Variants in ACAT2 observed in about 807,000 individuals in gnomAD.
ACAT2 encodes acetyl-CoA acetyltransferase, cytosolic.
ACAT2 carries 26 observed loss-of-function variants against 37.1 expected under a neutral mutation model. The observed-to-expected ratio is 0.70, with a 90% CI of 0.51 to 0.97. The LOEUF is 0.97. ACAT2 is among the 50% of genes least tolerant of loss of function. ACAT2 has a pLI of 0.00. For missense variants in ACAT2, 468 were observed against 489.0 expected (o/e 0.96, Z 0.40); for synonymous variants, 156 against 163.6 (o/e 0.95, Z 0.35).
intron 2 of ACAT2, among the ~76,000 whole-genome samples, chr6:159,766,384 C>T (rs1780255217): frequency 6.7e-6 from 1 of 148,830 alleles, no homozygotes; most frequent in Non-Finnish European, 1.5e-5. Context: ...TTTGATAATG[C>T]TTATTTAAGC....
chr6:159,762,579 CCTT>C lies in ACAT2; in HGVS notation c.56-338_56-336del. The C allele has an allele frequency of 1.5e-5, 20 of 1,360,090 alleles. No homozygotes were observed. In the South Asian group the frequency reaches 2.6e-4, roughly 17 times the overall value. The allele number at this position is 1,360,090 out of a possible 1,614,324, so 84.3% of individuals were successfully genotyped here. A position where few individuals can be genotyped will look rare whatever the true frequency, so the allele number is the denominator to read the frequency against. On this transcript the variant is annotated intron_variant, in intron 1 of 8. Coordinates refer to ENST00000367048, the MANE Select transcript of ACAT2 (RefSeq NM_005891.3). ...ATGGCTAGAAGTCGTGACTTCGTCT[CCTT>C]CGTGCCGCATGGTTTTCAACGCCCT...
chr6:159,767,687 A>T (rs561993150), intron 3 of ACAT2, among the ~76,000 whole-genome samples: 1 of 152,318 alleles, frequency 6.6e-6, no homozygotes, highest in South Asian at 2.1e-4. Flanking sequence ...CATACCTCAA[A>T]CTGGCATAGT....
intron 2 of ACAT2, among the ~76,000 whole-genome samples, chr6:159,763,629 C>CTTTTTTTTTTTTT (rs765044833): frequency 5.2e-5 from 4 of 76,406 alleles, no homozygotes; most frequent in Non-Finnish European, 9.4e-5. Context: ...TTTTCTTTTC[C>CTTTTTTTTTTTTT]TTTTTTTTTT....
intron 5 of ACAT2, chr6:159,775,608 C>T (rs1780400597): frequency 6.7e-6 from 2 of 296,308 alleles, no homozygotes; most frequent in Admixed American, 4.9e-5. Context: ...TTAGGAGGCA[C>T]CAGCTGACCT....
chr6:159,778,067 A>T, intron 7 of ACAT2, 103 bp from the exon 8 acceptor site: 2 of 726,398 alleles, frequency 2.8e-6, no homozygotes, highest in Non-Finnish European at 2.2e-6. Flanking sequence ...CCAAAGTAGC[A>T]GTTACCAGTA....
intron 2 of ACAT2, among the ~76,000 whole-genome samples, chr6:159,766,406 CTTT>C (rs1246453909): frequency 6.9e-6 from 1 of 145,642 alleles, no homozygotes; most frequent in Non-Finnish European, 1.5e-5. Context: ...CCCCCCCGCA[CTTT>C]TTTTTTTTTG....
Position 159,775,226 on chromosome 6 carries a change from G to C in ACAT2, c.547G>C (p.Val183Leu), listed in dbSNP as rs759956506. ...VSREDQDKVA[V>L]LSQNRTENAQ... ...TAGAGAAGATCAGGACAAGGTTGCAGTTCTGTCCCAGAACAGGACAGAGAA... is the reference window on the plus strand; with the variant it reads ...TAGAGAAGATCAGGACAAGGTTGCACTTCTGTCCCAGAACAGGACAGAGAA... The change falls in exon 5 of 9, where the codon GTT becomes CTT. Residue 183 changes from valine to leucine, a missense_variant. Transcript: ENST00000367048. 6.8e-6 allele frequency: 11 copies of C among 1,614,074 alleles called. No individual in the cohort carries two copies. The highest frequency in any genetic ancestry group is 1.3e-5 in the African/African-American group (1 of 74,934).
chr6:159,776,042 T>C (rs1331171717), intron 5 of ACAT2, 108 bp from the exon 6 acceptor site: 7 of 1,315,536 alleles, frequency 5.3e-6, no homozygotes, highest in Non-Finnish European at 7.3e-6. Flanking sequence ...ATTAAAACTT[T>C]TCTGCTAAAT....
intron 2 of ACAT2, among the ~76,000 whole-genome samples, chr6:159,766,270 C>G (rs191210039): frequency 2.0e-5 from 3 of 152,100 alleles, no homozygotes; most frequent in Admixed American, 6.5e-5. Context: ...TTTAAGTAAC[C>G]CTTTTTCTTC....
chr6:159,773,272 A>G (rs760111602), intron 4 of ACAT2, among the ~76,000 whole-genome samples: 5 of 152,120 alleles, frequency 3.3e-5, no homozygotes, highest in Non-Finnish European at 7.4e-5. Context: ...TGTTACCATG[A>G]GTGTGTGTGT....
chr6:159,775,406 CTTAGT>C lies in ACAT2; in HGVS notation c.634+95_634+99del, dbSNP rs1340478761. 1.0e-5 allele frequency: 15 copies of C among 1,432,960 alleles called. No homozygotes were observed. The African/African-American group carries it at 1.9e-4, about 18-fold the overall frequency. The allele number at this position is 1,432,960 out of a possible 1,614,324, so 88.8% of individuals were successfully genotyped here. ...ACATAGGAATCTTTAGAAATTATAT[CTTAGT>C]TATGTTTTTCAGGTTGCAAATATAT... On this transcript the variant is annotated intron_variant, in intron 5 of 8. Transcript: ENST00000367048.
At chr6:159,770,868 C>G (rs1316043114) in intron 4 of ACAT2, among the ~76,000 whole-genome samples, 1 of 151,954 alleles carries the variant, frequency 6.6e-6, no homozygotes, top group Non-Finnish European at 1.5e-5. Context: ...AGTTCAAGAC[C>G]AGCCTGGCCA....
intron 2 of ACAT2, among the ~76,000 whole-genome samples, chr6:159,766,645 C>A (rs903734826): frequency 2.0e-5 from 3 of 152,216 alleles, no homozygotes; most frequent in Non-Finnish European, 2.9e-5. Context: ...AGGTGATCTG[C>A]CCTCCTTGGC....
chr6:159,762,235 G>A (rs1780154152), intron 1 of ACAT2, 93 bp downstream of exon 1: 1 of 1,444,924 alleles, frequency 6.9e-7, no homozygotes, highest in Admixed American at 2.5e-5. Flanking sequence ...AGGGGCGTAT[G>A]TGGAGGAAGC....
chr6:159,771,265 A>G, intron 4 of ACAT2, among the ~76,000 whole-genome samples: 1 of 152,110 alleles, frequency 6.6e-6, no homozygotes, highest in East Asian at 1.9e-4. Flanking sequence ...CTGTAATCCC[A>G]GCTACTCGGG....
intron 8 of ACAT2, 24 bp from the exon 9 acceptor site, chr6:159,778,635 T>A (rs745702552): frequency 1.3e-5 from 21 of 1,610,426 alleles, no homozygotes; most frequent in South Asian, 1.1e-4. Context: ...GAATAAACAA[T>A]CTAAATCTTT....
In ACAT2 at chr6:159,763,047, G is replaced by A. The variant is rs1780180235; in HGVS notation, c.184G>A (p.Ala62Thr). The change falls in exon 2 of 9, where the codon GCA (alanine) becomes ACA (threonine). Residue 62 changes from alanine to threonine, a missense_variant. Coordinates refer to ENST00000367048, the MANE Select transcript of ACAT2 (RefSeq NM_005891.3). ...TGAGGTCATCTTTGGACATGTCTTGGCAGCAGGTAAGTCTCAGTGATTCCA... is the reference window on the plus strand; with the variant it reads ...TGAGGTCATCTTTGGACATGTCTTGACAGCAGGTAAGTCTCAGTGATTCCA... ...VSEVIFGHVL[A>T]AGCGQNPVRQ... 1.2e-6 allele frequency: 2 copies of A among 1,611,274 alleles called. No homozygotes were observed. The highest frequency in any genetic ancestry group is 1.7e-6 in the Non-Finnish European group (2 of 1,178,960).
In ACAT2 at chr6:159,778,919, T is replaced by G; in HGVS notation, c.*90T>G. On this transcript the variant is annotated 3_prime_UTR_variant, in exon 9 of 9. Coordinates refer to ENST00000367048, the MANE Select transcript of ACAT2 (RefSeq NM_005891.3). ...TGAAATCAGAGGACCAAAGTACAGA[T>G]GGAAACCATTTCCTACATCACAAAA... is the stretch of plus-strand genomic sequence containing the variant. 6.3e-7 allele frequency: 1 copy of G among 1,578,552 alleles called. No homozygotes were observed. Among genetic ancestry groups the G allele is most frequent in the Non-Finnish European group, 8.6e-7 (1 of 1,158,232 alleles).
intron 1 of ACAT2, chr6:159,762,541 G>A (rs1009115080): frequency 1.5e-6 from 2 of 1,309,468 alleles, no homozygotes; most frequent in Non-Finnish European, 2.0e-6. Flanking sequence ...GGCTGGGGTC[G>A]GGCTGTCACA....
Sources: allele counts gnomAD v4.1 joint callset (sites outside exome capture counted in the v4.1 genomes callset), GRCh38; gene constraint gnomAD v4.1.1; transcripts MANE v1.5; gene names NCBI Gene and HGNC (gene_info 2026-07-23, HGNC 2026-07-21).